Variants in ACTMAP observed in about 807,000 individuals in gnomAD.
ACTMAP encodes the protein actin maturation protease.
At chr19:40,741,632 A>G in the ACTMAP span, 3 of 435,568 alleles carry the variant, frequency 6.9e-6, no homozygotes, top group African/African-American at 6.0e-5. Flanking sequence ...TCAGCACCAT[A>G]ATGTTCAGGG....
the ACTMAP span, chr19:40,742,786 A>AGGT: frequency 6.3e-7 from 1 of 1,594,734 alleles, no homozygotes; most frequent in East Asian, 2.3e-5. Context: ...GGAGAGGAGA[A>AGGT]GGTGGTGAGT....
chr19:40,747,110 G>A, the ACTMAP span, among the ~76,000 whole-genome samples: 1 of 151,980 alleles, frequency 6.6e-6, no homozygotes, highest in Non-Finnish European at 1.5e-5. Flanking sequence ...CCCGGCCCAT[G>A]CTTATTATTC....
chr19:40,743,968 C>T, the ACTMAP span: 14 of 1,613,926 alleles, frequency 8.7e-6, no homozygotes, highest in South Asian at 1.1e-5. Flanking sequence ...TTGAAGTCCT[C>T]GTCGTAGCTG....
At chr19:40,749,387 A>G in the ACTMAP span, 2 of 1,293,458 alleles carry the variant, frequency 1.5e-6, no homozygotes, top group Non-Finnish European at 2.1e-6. Context: ...AGCCTGTTTG[A>G]TCTTGAGGAC....
At chr19:40,745,270 A>G in the ACTMAP span, 6 of 1,465,468 alleles carry the variant, frequency 4.1e-6, no homozygotes, top group South Asian at 7.3e-5. Context: ...TCTGGCTGGG[A>G]GTGGTCGTAT....
the ACTMAP span, chr19:40,744,805 G>A: frequency 3.6e-6 from 5 of 1,395,714 alleles, no homozygotes; most frequent in Admixed American, 2.7e-5. Context: ...GGCCAGCGAG[G>A]GAGACCTGAC....
the ACTMAP span, chr19:40,742,219 G>A: frequency 2.8e-6 from 2 of 703,762 alleles, no homozygotes; most frequent in South Asian, 1.5e-5. Context: ...GCGACATTCA[G>A]ATGGAATAGG....
the ACTMAP span, among the ~76,000 whole-genome samples, chr19:40,748,485 C>T: frequency 1.3e-5 from 2 of 152,174 alleles, no homozygotes; most frequent in African/African-American, 2.4e-5. Context: ...CTCAGGGCCC[C>T]AGCCTAGGTC....
the ACTMAP span, chr19:40,749,711 T>A: frequency 6.6e-7 from 1 of 1,514,812 alleles, no homozygotes; most frequent in South Asian, 1.3e-5. Flanking sequence ...GACTTGGGGG[T>A]AGAGGAGGAG....
the ACTMAP span, chr19:40,742,735 C>A: frequency 1.4e-5 from 22 of 1,611,124 alleles, no homozygotes; most frequent in Non-Finnish European, 1.9e-5. Context: ...TCAGTGTAGC[C>A]GAGACTGGGC....
chr19:40,746,368 C>T, the ACTMAP span, among the ~76,000 whole-genome samples: 1 of 151,566 alleles, frequency 6.6e-6, no homozygotes, highest in Non-Finnish European at 1.5e-5. Context: ...TATAGGCATG[C>T]GCCACCATGC....
At chr19:40,743,769 C>T in the ACTMAP span, 2 of 1,093,650 alleles carry the variant, frequency 1.8e-6, no homozygotes, top group Non-Finnish European at 2.7e-6. Context: ...ACCTGGGGCC[C>T]AGCCTGCCCG....
the ACTMAP span, chr19:40,749,408 C>CCT: frequency 7.1e-7 from 1 of 1,409,118 alleles, no homozygotes; most frequent in Non-Finnish European, 9.6e-7. Context: ...ACGGGAACCC[C>CCT]CCCCCCACCC....
chr19:40,744,125 C>T, the ACTMAP span: 252 of 1,613,008 alleles, frequency 1.6e-4, 1 homozygote, highest in South Asian at 1.8e-3. Context: ...CTGTTGGGAC[C>T]GCCCAGGCCA....
At chr19:40,741,212 C>T in the ACTMAP span, 7 of 379,264 alleles carry the variant, frequency 1.8e-5, no homozygotes, top group Non-Finnish European at 3.3e-5. Context: ...GAGGCCGAGG[C>T]GGGTGGATTA....
At chr19:40,747,597 G>C in the ACTMAP span, among the ~76,000 whole-genome samples, 2 of 152,252 alleles carry the variant, frequency 1.3e-5, no homozygotes, top group Admixed American at 6.5e-5. Context: ...GCTAACGCCT[G>C]TAATTCCAGC....
chr19:40,746,387 G>A, the ACTMAP span, among the ~76,000 whole-genome samples: 1 of 149,372 alleles, frequency 6.7e-6, no homozygotes, highest in Admixed American at 6.7e-5. Context: ...GCCTGGCTAA[G>A]TTTTTGTTTT....
the ACTMAP span, chr19:40,744,034 C>T: frequency 6.2e-7 from 1 of 1,613,988 alleles, no homozygotes; most frequent in South Asian, 1.1e-5. Context: ...CCTTTGCCAC[C>T]CCTGCCCTCC....
At chr19:40,741,603 T>A in the ACTMAP span, 1 of 398,088 alleles carries the variant, frequency 2.5e-6, no homozygotes. Flanking sequence ...TTTGTATAAG[T>A]GGACAGGAAA....
Sources: gnomAD v4.1 joint callset for allele counts (sites outside exome capture counted in the v4.1 genomes callset) on GRCh38, gnomAD v4.1.1 for gene constraint, MANE v1.5 for transcripts, NCBI Gene and HGNC (gene_info 2026-07-23, HGNC 2026-07-21) for gene names.